Variants in PDCD11 observed in about 807,000 individuals in gnomAD.
PDCD11 encodes the protein programmed cell death 11.
In PDCD11, 97 loss-of-function variants were observed where a neutral mutation model predicts 198.9. That is an observed-to-expected ratio of 0.49 (90% CI 0.41 to 0.58). The LOEUF (loss-of-function observed/expected upper bound fraction) is 0.58. PDCD11 is among the 20% of genes least tolerant of loss of function. The pLI is 0.00. For synonymous variants in PDCD11, 893 were observed against 918.0 expected, an observed-to-expected ratio of 0.97 and a Z score of 0.49; for missense variants, 2,102 against 2,312.7, an observed-to-expected ratio of 0.91 and a Z score of 1.87.
At chr10:103,418,371 G>T in intron 14 of PDCD11, 69 bp from the exon 15 acceptor site, 1 of 1,328,696 alleles carries the variant, frequency 7.5e-7, no homozygotes, top group Non-Finnish European at 1.1e-6. Flanking sequence ...TCCAAGCCCT[G>T]CCTAATCCAG....
chr10:103,438,784 T>C lies in PDCD11; in HGVS notation c.4001T>C (p.Ile1334Thr), dbSNP rs1363612817. 2 of 1,613,988 alleles carry C rather than the reference T, an allele frequency of 1.2e-6. No individual in the cohort carries two copies. The highest frequency in any genetic ancestry group is 2.2e-5 in the East Asian group (1 of 44,896). The change falls in exon 27 of 36, where the codon ATC becomes ACC. Residue 1334 changes from isoleucine to threonine, a missense_variant. Transcript: ENST00000369797. Reference protein sequence around the residue: ...GQLLRGYVGSIQPHGVFFRLG... With the variant: ...GQLLRGYVGSTQPHGVFFRLG... ...CTTCTGAGGGGCTATGTAGGGTCCA[T>C]CCAGCCACACGGTGTGTTCTTTCGG...
chr10:103,401,669 A>G, intron 3 of PDCD11, among the ~76,000 whole-genome samples: 1 of 152,268 alleles, frequency 6.6e-6, no homozygotes, highest in Non-Finnish European at 1.5e-5. Flanking sequence ...GGCTAGATTC[A>G]GAGTCAATAT....
At chr10:103,440,253 TATG>T (rs1174168416) in intron 28 of PDCD11, 34 bp from the exon 29 acceptor site, 9 of 1,573,720 alleles carry the variant, frequency 5.7e-6, no homozygotes, top group South Asian at 1.2e-5. Context: ...CTCTGCTTTT[TATG>T]ATGTCTTTAC....
At chr10:103,435,822 A>G (rs1409280753) in intron 25 of PDCD11, among the ~76,000 whole-genome samples, 1 of 152,098 alleles carries the variant, frequency 6.6e-6, no homozygotes, top group Non-Finnish European at 1.5e-5. Flanking sequence ...CCTTTTGCAT[A>G]TATTTGGATA....
intron 35 of PDCD11, among the ~76,000 whole-genome samples, chr10:103,444,956 A>G (rs948537493): frequency 1.1e-4 from 17 of 152,166 alleles, no homozygotes; most frequent in African/African-American, 3.4e-4. Context: ...ATTGTAGACT[A>G]CTTTCACAGG....
At chr10:103,407,966 G>A (rs2030563378) in intron 7 of PDCD11, among the ~76,000 whole-genome samples, 1 of 152,082 alleles carries the variant, frequency 6.6e-6, no homozygotes, top group Admixed American at 6.5e-5. Context: ...TGATCTGCCT[G>A]CCTGGGCCTT....
chr10:103,440,475 A>C lies in PDCD11; in HGVS notation c.4334A>C (p.Lys1445Thr). Residue 1445 changes from lysine (K) to threonine (T), a missense_variant, in exon 29 of 36, where the codon AAG (lysine) becomes ACG (threonine). Lys to Thr is a moderately conservative substitution (Grantham distance 78). Transcript: ENST00000369797. ...NQKRNEKKNQ[K>T]GQEEVEMPSK... ...AAAAGGAACGAGAAGAAGAACCAGAAGGGGCAGGAGGAGGTGGAGATGCCC... is the reference window on the plus strand; with the variant it reads ...AAAAGGAACGAGAAGAAGAACCAGACGGGGCAGGAGGAGGTGGAGATGCCC... 1 of 1,614,030 alleles carries C rather than the reference A, an allele frequency of 6.2e-7. No homozygotes were observed. Among genetic ancestry groups the C allele is most frequent in the Non-Finnish European group, 8.5e-7 (1 of 1,179,958 alleles).
rs2031114908 is a variant in PDCD11, at chr10:103,416,487, C to G, written c.1519-4C>G. 6.2e-7 allele frequency: 1 copy of G among 1,613,776 alleles called. No homozygotes were observed. Among genetic ancestry groups the G allele is most frequent in the Admixed American group, 1.7e-5 (1 of 59,986 alleles). On this transcript the variant is annotated splice_region_variant and splice_polypyrimidine_tract_variant and intron_variant, in intron 12 of 35. Transcript: ENST00000369797. ...CTTGATGACAGCCTGTGTCCCTCCCCTAGGTTTTGCTTTGTGACCCTGAAG... is the reference window on the plus strand; with the variant it reads ...CTTGATGACAGCCTGTGTCCCTCCCGTAGGTTTTGCTTTGTGACCCTGAAG...
intron 2 of PDCD11, among the ~76,000 whole-genome samples, 159 bp from the exon 3 acceptor site, chr10:103,400,238 T>C (rs1028114013): frequency 6.6e-6 from 1 of 151,152 alleles, no homozygotes; most frequent in Non-Finnish European, 1.5e-5. Context: ...TTTTTTTTTT[T>C]TTTTAAGCAA....
Position 103,405,128 on chromosome 10 carries a change from T to C in PDCD11, c.509T>C (p.Leu170Pro). 6.2e-7 allele frequency: 1 copy of C among 1,614,144 alleles called. No individual in the cohort carries two copies. Among genetic ancestry groups the C allele is most frequent in the South Asian group, 1.1e-5 (1 of 91,084 alleles). ...DRGKKSVKLS[L>P]NPKNVNRVLS... Reference sequence around the variant, plus strand: ...GGCAAGAAGAGTGTCAAGCTGTCTCTGAACCCCAAAAATGTCAACAGAGTG... The same window carrying C: ...GGCAAGAAGAGTGTCAAGCTGTCTCCGAACCCCAAAAATGTCAACAGAGTG... The change falls in exon 5 of 36, where the codon CTG becomes CCG. Residue 170 changes from leucine (L) to proline (P), a missense_variant. By Grantham distance (98) the Leu-to-Pro change is moderately conservative. Coordinates refer to ENST00000369797, the MANE Select transcript of PDCD11 (RefSeq NM_014976.2).
chr10:103,421,605 T>C (rs1416409630), intron 17 of PDCD11, 38 bp downstream of exon 17: 1 of 1,438,686 alleles, frequency 7.0e-7, no homozygotes, highest in South Asian at 1.2e-5. Flanking sequence ...GGGCCAGGGG[T>C]GGGAGTATGT....
chr10:103,409,298 C>A (rs2030650009), intron 7 of PDCD11, among the ~76,000 whole-genome samples: 1 of 151,192 alleles, frequency 6.6e-6, no homozygotes, highest in South Asian at 2.1e-4. Flanking sequence ...GTCAGTATCT[C>A]CCTTTTGCAA....
Position 103,409,869 on chromosome 10 carries a change from A to G in PDCD11, c.978+63A>G, listed in dbSNP as rs1054315894. 85 of 1,157,588 alleles carry G rather than the reference A, an allele frequency of 7.3e-5. 1 individual carries two copies. Among genetic ancestry groups the G allele is most frequent in the Middle Eastern group, 1.9e-4 (1 of 5,220 alleles). The allele number at this position is 1,157,588 out of a possible 1,614,324, so 71.7% of individuals were successfully genotyped here. ...TGTGGTCCATTTGCTGTCCAGTATC[A>G]CAGCTAGCTACAGGGAGGTCCTAGG... On this transcript the variant is annotated intron_variant, in intron 8 of 35. Transcript: ENST00000369797.
chr10:103,439,550 C>G (rs934166102), intron 27 of PDCD11, among the ~76,000 whole-genome samples, 196 bp from the exon 28 acceptor site: 2 of 152,202 alleles, frequency 1.3e-5, no homozygotes, highest in Non-Finnish European at 2.9e-5. Flanking sequence ...AAAAAATACC[C>G]TCAATCATAT....
intron 5 of PDCD11, 140 bp downstream of exon 5, chr10:103,405,323 G>A (rs754869270): frequency 2.5e-5 from 18 of 714,438 alleles, no homozygotes; most frequent in Non-Finnish European, 3.7e-5. Context: ...AAGGTCTCTT[G>A]GGTTCTTTGG....
At chr10:103,397,057 A>G (rs2093439931) in intron 1 of PDCD11, among the ~76,000 whole-genome samples, 2 of 152,086 alleles carry the variant, frequency 1.3e-5, no homozygotes, top group Non-Finnish European at 2.9e-5. Context: ...CTGATTCCAT[A>G]TCCTTGGCCC....
At position 103,413,209 on chromosome 10, in the gene PDCD11, C is replaced by T. The variant is rs143460544; in HGVS notation, c.1072C>T (p.Arg358Ter). The T allele has an allele frequency of 5.6e-6, 9 of 1,614,124 alleles. No individual in the cohort carries two copies. The highest frequency in any genetic ancestry group is 5.0e-5 in the Admixed American group (3 of 60,018). The change falls in exon 9 of 36, where the codon CGA becomes TGA. Residue 358 changes from arginine (R) to a stop codon, truncating the protein, a stop_gained. Coordinates refer to ENST00000369797, the MANE Select transcript of PDCD11 (RefSeq NM_014976.2). LOFTEE classifies it high-confidence loss of function. ...CCTACAGCCTGGACGCCCACTCACC[C>T]GACTCTCTTGCCAGAACCTTGGAGC... is the stretch of plus-strand genomic sequence containing the variant. ...IFLQPGRPLT[R>*]LSCQNLGAVL...
intron 30 of PDCD11, 130 bp from the exon 31 acceptor site, chr10:103,441,696 G>GGAGGAGAGGA: frequency 2.5e-6 from 2 of 784,894 alleles, no homozygotes; most frequent in Admixed American, 4.7e-5. Flanking sequence ...GCATGGCCTA[G>GGAGGAGAGGA]GAGGAGAGGA....
At chr10:103,425,702 C>T (rs12269582) in intron 20 of PDCD11, among the ~76,000 whole-genome samples, 177 bp downstream of exon 20, 8 of 151,688 alleles carry the variant, frequency 5.3e-5, no homozygotes, top group African/African-American at 9.7e-5. Flanking sequence ...TTTTTTGAGA[C>T]GGAGTCTCAC....
Sources: allele counts gnomAD v4.1 joint callset (sites outside exome capture counted in the v4.1 genomes callset), GRCh38; gene constraint gnomAD v4.1.1; transcripts MANE v1.5; gene names NCBI Gene and HGNC (gene_info 2026-07-23, HGNC 2026-07-21).